CRADD: variants seen among roughly 807,000 people sequenced by gnomAD.
CRADD encodes death domain-containing protein CRADD.
Under a neutral mutation model 15.5 loss-of-function variants are expected in CRADD, and 9 were observed. The observed-to-expected ratio is 0.58, with a 90% CI of 0.35 to 1.01. The LOEUF is 1.01. Ranked by LOEUF, CRADD falls within the 50% of genes least tolerant of loss-of-function variation. The pLI is 0.02. For synonymous variants in CRADD, 118 were observed against 107.6 expected, an observed-to-expected ratio of 1.10 and a Z score of -0.60; for missense variants, 227 against 250.3, an observed-to-expected ratio of 0.91 and a Z score of 0.63.
intron 2 of CRADD, among the ~76,000 whole-genome samples, chr12:93,679,536 T>A (rs1293280762): frequency 1.3e-5 from 2 of 152,090 alleles, no homozygotes; most frequent in African/African-American, 4.8e-5. Flanking sequence ...TGAAGGGACA[T>A]GACGTTGGAG....
intron 2 of CRADD, among the ~76,000 whole-genome samples, chr12:93,806,439 G>A (rs1419617664): frequency 2.5e-5 from 3 of 121,912 alleles, no homozygotes; most frequent in East Asian, 2.5e-4. Context: ...GCGACAGAGC[G>A]AGACTCCATC....
chr12:93,678,981 T>C lies in CRADD; in HGVS notation c.207T>C (p.Phe69=). 1 of 1,614,046 alleles carries C rather than the reference T, an allele frequency of 6.2e-7. No homozygotes were observed. The highest frequency in any genetic ancestry group is 1.1e-5 in the South Asian group (1 of 91,076). ...TACCTTCCAGGGGCCCTAAAGCATT[T>C]GATACATTCCTAGATTCCCTACAGG... ...DILPSRGPKA[F]DTFLDSLQEF... Residue 69 remains phenylalanine, a synonymous_variant, in exon 2 of 3, where the codon TTT becomes TTC. Coordinates refer to ENST00000332896, the MANE Select transcript of CRADD (RefSeq NM_003805.5).
At chr12:93,751,965 ATTTTTC>A (rs1956833261) in intron 2 of CRADD, among the ~76,000 whole-genome samples, 2 of 152,134 alleles carry the variant, frequency 1.3e-5, no homozygotes, top group Admixed American at 1.3e-4. Context: ...TGCCAGCCTC[ATTTTTC>A]ATACTGTAGT....
downstream of CRADD, among the ~76,000 whole-genome samples, chr12:93,853,857 C>A (rs906216173): frequency 6.6e-6 from 1 of 152,204 alleles, no homozygotes; most frequent in Non-Finnish European, 1.5e-5. Context: ...TGATGCACAG[C>A]TTTCCAGTGT....
intron 2 of CRADD, among the ~76,000 whole-genome samples, chr12:93,692,111 A>G (rs1397868659): frequency 3.9e-5 from 6 of 152,104 alleles, no homozygotes; most frequent in Non-Finnish European, 2.9e-5. Context: ...AATAGAGAGT[A>G]TCAACAGCAG....
chr12:93,790,354 T>C (rs1006509527), intron 2 of CRADD, among the ~76,000 whole-genome samples: 2 of 152,026 alleles, frequency 1.3e-5, no homozygotes, highest in Non-Finnish European at 2.9e-5. Flanking sequence ...GAAATATACC[T>C]AATGCTAAAT....
At chr12:93,781,173 G>A (rs1435336675) in intron 2 of CRADD, among the ~76,000 whole-genome samples, 2 of 151,946 alleles carry the variant, frequency 1.3e-5, no homozygotes, top group East Asian at 3.9e-4. Context: ...CCCCCAGAGG[G>A]CAAAGATGAG....
At chr12:93,755,489 A>G (rs1225357563) in intron 2 of CRADD, among the ~76,000 whole-genome samples, 1 of 152,200 alleles carries the variant, frequency 6.6e-6, no homozygotes, top group Non-Finnish European at 1.5e-5. Flanking sequence ...CTTAGTCTTC[A>G]GGTTCCAGGT....
chr12:93,853,091 G>A (rs1288179185), downstream of CRADD, among the ~76,000 whole-genome samples: 2 of 151,930 alleles, frequency 1.3e-5, no homozygotes, highest in Non-Finnish European at 2.9e-5. Context: ...AAAAAGAATA[G>A]GATTTTCTCT....
chr12:93,867,630 A>C (rs1345955529), intron 2 of CRADD, among the ~76,000 whole-genome samples: 1 of 152,094 alleles, frequency 6.6e-6, no homozygotes, highest in African/African-American at 2.4e-5. Context: ...ATTTACAAAG[A>C]TAAAACTGTC....
intron 2 of CRADD, among the ~76,000 whole-genome samples, chr12:93,775,952 G>C (rs1333758848): frequency 6.6e-6 from 1 of 152,072 alleles, no homozygotes; most frequent in East Asian, 1.9e-4. Context: ...AATTCAAGTT[G>C]TACAAAAAGG....
intron 2 of CRADD, among the ~76,000 whole-genome samples, chr12:93,769,292 C>T (rs1957058496): frequency 6.6e-6 from 1 of 152,030 alleles, no homozygotes; most frequent in South Asian, 2.1e-4. Context: ...CCACGTTGCC[C>T]AGGCTAGTTT....
intron 2 of CRADD, among the ~76,000 whole-genome samples, chr12:93,865,622 C>A (rs1958360445): frequency 6.6e-6 from 1 of 152,086 alleles, no homozygotes; most frequent in Non-Finnish European, 1.5e-5. Flanking sequence ...CTATGTTGCC[C>A]AGGCTAGTCT....
intron 2 of CRADD, among the ~76,000 whole-genome samples, chr12:93,705,444 C>T (rs985158923): frequency 6.6e-6 from 1 of 152,180 alleles, no homozygotes; most frequent in African/African-American, 2.4e-5. Flanking sequence ...TAGGGACAGT[C>T]TCCTGTCTGC....
chr12:93,739,441 TG>T (rs1359166528), intron 2 of CRADD, among the ~76,000 whole-genome samples: 1 of 151,930 alleles, frequency 6.6e-6, no homozygotes, highest in African/African-American at 2.4e-5. Context: ...GGGCTAAATT[TG>T]CCTAAACTCC....
intron 2 of CRADD, among the ~76,000 whole-genome samples, chr12:93,680,836 T>A (rs1031116454): frequency 2.0e-5 from 3 of 152,184 alleles, no homozygotes; most frequent in Non-Finnish European, 4.4e-5. Flanking sequence ...TTATGGTCAT[T>A]TTGGGTGATA....
At chr12:93,825,138 C>G (rs2137023263) in intron 2 of CRADD, among the ~76,000 whole-genome samples, 1 of 152,292 alleles carries the variant, frequency 6.6e-6, no homozygotes, top group South Asian at 2.1e-4. Context: ...TGGTTCTAGG[C>G]TCAATCATTT....
At chr12:93,739,316 C>T (rs960756641) in intron 2 of CRADD, among the ~76,000 whole-genome samples, 4 of 137,712 alleles carry the variant, frequency 2.9e-5, no homozygotes, top group Non-Finnish European at 6.1e-5. Context: ...GAGGTTGGTA[C>T]CCACTAATCT....
chr12:93,720,430 T>C (rs893578885), intron 2 of CRADD, among the ~76,000 whole-genome samples: 11 of 152,196 alleles, frequency 7.2e-5, no homozygotes, highest in African/African-American at 2.7e-4. Context: ...TCTATAGATG[T>C]CATTTACATA....
Sources: allele counts gnomAD v4.1 joint callset (sites outside exome capture counted in the v4.1 genomes callset), GRCh38; gene constraint gnomAD v4.1.1; transcripts MANE v1.5; gene names NCBI Gene and HGNC (gene_info 2026-07-23, HGNC 2026-07-21).